Variants in MOB3A observed in about 807,000 individuals in gnomAD.
MOB3A encodes MOB LAK.
Under a neutral mutation model 17.8 loss-of-function variants are expected in MOB3A, and 17 were observed. That is an observed-to-expected ratio of 0.95 (90% CI 0.65 to 1.43). MOB3A has a LOEUF of 1.43. Among genes scored for constraint, MOB3A ranks in the 40% most tolerant of loss-of-function variants. The pLI is 0.00. For synonymous variants in MOB3A, 124 were observed against 133.2 expected, an observed-to-expected ratio of 0.93 and a Z score of 0.48; for missense variants, 333 against 310.8, an observed-to-expected ratio of 1.07 and a Z score of -0.54.
chr19:2,087,392 C>T (rs1038938748), intron 1 of MOB3A, among the ~76,000 whole-genome samples: 6 of 152,240 alleles, frequency 3.9e-5, no homozygotes, highest in Non-Finnish European at 8.8e-5. Context: ...GTGGCTCACG[C>T]CTGTAATCCT....
rs79358260 is a variant in MOB3A, at chr19:2,082,372, C to G, written c.-120+2803G>C. On this transcript the variant is annotated intron_variant, in intron 2 of 4. Transcript: ENST00000357066. This position sits in a 1 kb window ranked among gnomAD's most constrained non-coding sequence, Gnocchi z 4.1. ...TGCCAGGAGCTCCCCCAAGTTATGA[C>G]AACCACAGATGTGCCCAGACATCAC... Among the ~76,000 whole-genome samples, 1 of 152,220 alleles carries G rather than the reference C, an allele frequency of 6.6e-6. No homozygotes were observed. The highest frequency in any genetic ancestry group is 2.1e-4 in the South Asian group (1 of 4,832).
intron 2 of MOB3A, among the ~76,000 whole-genome samples, chr19:2,083,329 C>T (rs1056150667): frequency 9.9e-5 from 15 of 152,214 alleles, no homozygotes; most frequent in Admixed American, 2.6e-4. Context: ...TGAGGCCCTT[C>T]GCCAGTGACA....
chr19:2,076,919 GT>G lies in MOB3A; in HGVS notation c.515del (p.Asp172AlafsTer12), dbSNP rs2017417339. On this transcript the variant is annotated frameshift_variant, in exon 4 of 5. Transcript: ENST00000357066. LOFTEE classifies it high-confidence loss of function. ...CCTCGGAGCCCATCTGCGCGATGCGGTCAAAGTGGTGGATGTAGACGTGCAC... is the reference window on the plus strand; with the variant it reads ...CCTCGGAGCCCATCTGCGCGATGCGGCAAAGTGGTGGATGTAGACGTGCAC... ...VFVHVYIHHF[D>X]RIAQMGSEAH... is the part of the protein sequence containing the mutation. 6.2e-7 allele frequency: 1 copy of G among 1,613,946 alleles called. No individual in the cohort carries two copies.
At chr19:2,075,867 C>T (rs928640665) in intron 4 of MOB3A, among the ~76,000 whole-genome samples, 1 of 152,044 alleles carries the variant, frequency 6.6e-6, no homozygotes, top group African/African-American at 2.4e-5. Context: ...TCCTGTCTGT[C>T]ATTCCAGCAC....
chr19:2,076,729 G>A, intron 4 of MOB3A, 82 bp downstream of exon 4: 1 of 1,438,600 alleles, frequency 7.0e-7, no homozygotes, highest in African/African-American at 1.4e-5. Context: ...AAGCAGTCAG[G>A]GTCCTGGCCC....
intron 1 of MOB3A, among the ~76,000 whole-genome samples, 168 bp downstream of exon 1, chr19:2,096,058 G>A (rs1230315873): frequency 2.0e-5 from 3 of 151,732 alleles, no homozygotes; most frequent in Non-Finnish European, 4.4e-5. Context: ...CCTTCCTGAA[G>A]GCTCGGCCTC....
At chr19:2,088,604 C>T (rs894052890) in intron 1 of MOB3A, among the ~76,000 whole-genome samples, 13 of 152,210 alleles carry the variant, frequency 8.5e-5, no homozygotes, top group Non-Finnish European at 1.9e-4. Flanking sequence ...GTAGCTGGGA[C>T]TACAGGTGCG....
chr19:2,080,223 G>A (rs1029129907), intron 2 of MOB3A, among the ~76,000 whole-genome samples: 5 of 152,098 alleles, frequency 3.3e-5, no homozygotes, highest in Non-Finnish European at 7.4e-5. Context: ...TGGGCAGGGC[G>A]GGGGTCCTCA....
intron 1 of MOB3A, among the ~76,000 whole-genome samples, chr19:2,094,622 G>C (rs2017650256): frequency 1.3e-5 from 2 of 152,234 alleles, no homozygotes; most frequent in South Asian, 4.1e-4. Context: ...CCGTAAAAGG[G>C]AAGCCCCTGT....
chr19:2,074,975 C>T (rs564833838), intron 4 of MOB3A, among the ~76,000 whole-genome samples: 45 of 151,720 alleles, frequency 3.0e-4, no homozygotes, highest in Non-Finnish European at 3.5e-4. Flanking sequence ...TCTTGGCATT[C>T]CAAAGTGCTG....
intron 1 of MOB3A, among the ~76,000 whole-genome samples, chr19:2,089,721 C>T (rs2017591928): frequency 6.6e-6 from 1 of 152,156 alleles, no homozygotes; most frequent in African/African-American, 2.4e-5. Context: ...CACCGTCTGC[C>T]ATATTGGGAG....
At chr19:2,091,242 G>C (rs1244386462) in intron 1 of MOB3A, among the ~76,000 whole-genome samples, 1 of 152,148 alleles carries the variant, frequency 6.6e-6, no homozygotes, top group Non-Finnish European at 1.5e-5. Flanking sequence ...TCTCAACCCA[G>C]AGGAGACTTC....
intron 1 of MOB3A, among the ~76,000 whole-genome samples, chr19:2,095,704 C>T (rs536957715): frequency 6.6e-6 from 1 of 152,076 alleles, no homozygotes; most frequent in African/African-American, 2.4e-5. Context: ...CCTGAAGGAT[C>T]CGGCTTCCCT....
chr19:2,085,412 A>C, intron 1 of MOB3A, 84 bp from the exon 2 acceptor site: 1 of 150,606 alleles, frequency 6.6e-6, no homozygotes, highest in South Asian at 2.1e-4. Context: ...AGTTTCTCTA[A>C]GCAACCAACT....
rs967232339 is a variant in MOB3A, at chr19:2,084,051, C to T, written c.-120+1124G>A. ...CTTCCCAAAGTGCTGGGATTACAGGCGTGAGCCACCGTGCCTGGCTGAGGC... is the reference window on the plus strand; with the variant it reads ...CTTCCCAAAGTGCTGGGATTACAGGTGTGAGCCACCGTGCCTGGCTGAGGC... On this transcript the variant is annotated intron_variant, in intron 2 of 4. Coordinates refer to ENST00000357066, the MANE Select transcript of MOB3A (RefSeq NM_130807.3). 5 of 437,014 alleles carry T rather than the reference C, an allele frequency of 1.1e-5. No homozygotes were observed. In the East Asian group the frequency reaches 3.8e-4, roughly 33 times the overall value. The allele number at this position is 437,014 out of a possible 1,614,324, so 27.1% of individuals were successfully genotyped here.
intron 1 of MOB3A, chr19:2,085,701 C>T (rs1260905563): frequency 6.6e-6 from 1 of 152,216 alleles, no homozygotes; most frequent in Non-Finnish European, 1.5e-5. Flanking sequence ...CGCGGTGGCT[C>T]ACGCCTGTAA....
chr19:2,084,088 T>C (rs774104752), intron 2 of MOB3A: 1 of 474,284 alleles, frequency 2.1e-6, no homozygotes. Flanking sequence ...TATCTTTGTC[T>C]ATATCCTTTT....
chr19:2,081,334 TCCCGG>T (rs2017485151), intron 2 of MOB3A, among the ~76,000 whole-genome samples: 1 of 152,152 alleles, frequency 6.6e-6, no homozygotes. Flanking sequence ...ACGCCTGTAA[TCCCGG>T]CACTTTGGGA....
At chr19:2,091,368 CA>C (rs1484328914) in intron 1 of MOB3A, among the ~76,000 whole-genome samples, 2 of 152,106 alleles carry the variant, frequency 1.3e-5, no homozygotes, top group East Asian at 3.9e-4. Flanking sequence ...AGTTGCAAAA[CA>C]GTATGGATAC....
Sources: allele counts gnomAD v4.1 joint callset (sites outside exome capture counted in the v4.1 genomes callset), GRCh38; gene constraint gnomAD v4.1.1; non-coding constraint Gnocchi (gnomAD v3.1); transcripts MANE v1.5; gene names NCBI Gene and HGNC (gene_info 2026-07-23, HGNC 2026-07-21).